Variants in TRPM6 observed in about 807,000 individuals in gnomAD.
TRPM6 encodes transient receptor potential cation channel subfamily M member 6, also known as channel kinase 2.
A neutral mutation model predicts 247.6 loss-of-function variants in TRPM6; 111 were observed. The observed-to-expected ratio is 0.45, with a 90% CI of 0.38 to 0.52. The LOEUF is 0.52. Ranked by LOEUF, TRPM6 falls within the 20% of genes least tolerant of loss-of-function variation. The pLI is 0.00. For synonymous variants in TRPM6, 892 were observed against 853.8 expected, an observed-to-expected ratio of 1.04 and a Z score of -0.78; for missense variants, 2,126 against 2,421.5, an observed-to-expected ratio of 0.88 and a Z score of 2.56.
intron 30 of TRPM6, 51 bp from the exon 31 acceptor site, chr9:74,747,965 C>A: frequency 6.4e-7 from 1 of 1,560,956 alleles, no homozygotes; most frequent in South Asian, 1.1e-5. Flanking sequence ...TTAAATCTTA[C>A]AGTTATCAAA....
At chr9:74,757,828 G>A (rs1029934850) in intron 27 of TRPM6, among the ~76,000 whole-genome samples, 3 of 151,672 alleles carry the variant, frequency 2.0e-5, no homozygotes, top group Non-Finnish European at 2.9e-5. Flanking sequence ...TGGGAGAATC[G>A]CTTGAACCTG....
chr9:74,799,831 G>C (rs1293352455), intron 17 of TRPM6: 1 of 211,962 alleles, frequency 4.7e-6, no homozygotes, highest in Non-Finnish European at 9.6e-6. Context: ...GGAGATAAAA[G>C]TCGTCTTCAC....
intron 1 of TRPM6, among the ~76,000 whole-genome samples, chr9:74,880,805 T>C (rs1831337536): frequency 6.6e-6 from 1 of 152,122 alleles, no homozygotes; most frequent in African/African-American, 2.4e-5. Flanking sequence ...GCTTAAATGT[T>C]ACCACTACAG....
chr9:74,765,728 T>A (rs556265063), intron 25 of TRPM6, among the ~76,000 whole-genome samples: 1 of 152,302 alleles, frequency 6.6e-6, no homozygotes, highest in South Asian at 2.1e-4. Context: ...CAAAATAGTG[T>A]TAGACTTCCC....
At chr9:74,788,876 G>A (rs377600031) in intron 19 of TRPM6, 134 bp from the exon 20 acceptor site, 84 of 1,038,956 alleles carry the variant, frequency 8.1e-5, no homozygotes, top group South Asian at 1.4e-4. Context: ...GACCACCTTC[G>A]GGTTATTGAT....
intron 6 of TRPM6, among the ~76,000 whole-genome samples, chr9:74,830,963 A>T (rs1483995428): frequency 6.6e-6 from 1 of 152,026 alleles, no homozygotes; most frequent in Non-Finnish European, 1.5e-5. Flanking sequence ...ACGGTTATAC[A>T]GACTGGTCCA....
At chr9:74,879,153 T>C (rs1421217906) in intron 1 of TRPM6, among the ~76,000 whole-genome samples, 1 of 151,852 alleles carries the variant, frequency 6.6e-6, no homozygotes, top group African/African-American at 2.4e-5. Flanking sequence ...AAAGAAATTC[T>C]AGAATTAAAG....
Position 74,739,897 on chromosome 9 carries a change from G to T in TRPM6, c.5313C>A (p.Ser1771=). The part of the protein sequence containing the change: ...RGRAAMIQVL[S]REEMDGGLRK... ...GGAGGCCCCCATCCATCTCCTCTCG[G>T]GACAATACCTGGATCATTGCCGCTC... The change falls in exon 34 of 39, where the codon TCC becomes TCA. Residue 1771 remains serine, a synonymous_variant. Transcript: ENST00000360774. 6.2e-7 allele frequency: 1 copy of T among 1,613,980 alleles called. No individual in the cohort carries two copies. Among genetic ancestry groups the T allele is most frequent in the African/African-American group, 1.3e-5 (1 of 74,978 alleles).
At chr9:74,726,958 G>A (rs1410994066) in intron 38 of TRPM6, among the ~76,000 whole-genome samples, 1 of 152,182 alleles carries the variant, frequency 6.6e-6, no homozygotes, top group South Asian at 2.1e-4. Context: ...GTGAGAGTGA[G>A]TCCTGGCCAG....
At chr9:74,843,154 T>G (rs1829999852) in intron 3 of TRPM6, among the ~76,000 whole-genome samples, 1 of 152,220 alleles carries the variant, frequency 6.6e-6, no homozygotes, top group South Asian at 2.1e-4. Context: ...CAATGAACCA[T>G]TTTCTTTATT....
chr9:74,867,073 C>T (rs566305822), intron 1 of TRPM6, among the ~76,000 whole-genome samples: 1 of 152,254 alleles, frequency 6.6e-6, no homozygotes, highest in Non-Finnish European at 1.5e-5. Flanking sequence ...TGGCTAAATT[C>T]TCATGTTTGC....
At chr9:74,747,030 A>G (rs1826072544) in intron 31 of TRPM6, among the ~76,000 whole-genome samples, 1 of 152,180 alleles carries the variant, frequency 6.6e-6, no homozygotes, top group South Asian at 2.1e-4. Flanking sequence ...TAGAAAAGAG[A>G]GGGTGCCATG....
chr9:74,777,758 G>A (rs1333187865), intron 23 of TRPM6, among the ~76,000 whole-genome samples: 1 of 152,136 alleles, frequency 6.6e-6, no homozygotes, highest in Non-Finnish European at 1.5e-5. Context: ...AGACGTAGCT[G>A]CCAGGCCCGG....
At chr9:74,781,125 A>T (rs1827426614) in intron 23 of TRPM6, among the ~76,000 whole-genome samples, 1 of 152,182 alleles carries the variant, frequency 6.6e-6, no homozygotes, top group Admixed American at 6.5e-5. Flanking sequence ...GAAAGAGATC[A>T]CAAAAAGCAT....
intron 38 of TRPM6, among the ~76,000 whole-genome samples, chr9:74,726,345 A>G (rs1285673816): frequency 1.3e-5 from 2 of 152,150 alleles, no homozygotes; most frequent in African/African-American, 4.8e-5. Context: ...CCCTATCTCT[A>G]CTAAAAATAC....
At chr9:74,823,613 A>G (rs992996146) in intron 7 of TRPM6, among the ~76,000 whole-genome samples, 4 of 152,198 alleles carry the variant, frequency 2.6e-5, no homozygotes, top group Non-Finnish European at 5.9e-5. Context: ...TCTATGATGT[A>G]CCAACTAATA....
intron 1 of TRPM6, among the ~76,000 whole-genome samples, chr9:74,864,618 T>C (rs1032277503): frequency 6.6e-6 from 1 of 152,220 alleles, no homozygotes; most frequent in Non-Finnish European, 1.5e-5. Context: ...TGGTAAAAGG[T>C]GAGCACTATT....
chr9:74,808,280 C>A, intron 13 of TRPM6, 106 bp from the exon 14 acceptor site: 11 of 1,375,712 alleles, frequency 8.0e-6, no homozygotes, highest in Non-Finnish European at 1.1e-5. Flanking sequence ...GGTAGACATA[C>A]CTTTTAAATA....
intron 1 of TRPM6, among the ~76,000 whole-genome samples, chr9:74,876,037 G>T (rs1033790347): frequency 3.3e-5 from 5 of 152,054 alleles, no homozygotes; most frequent in African/African-American, 9.7e-5. Context: ...ATATTCAAAG[G>T]TCAACCTGGT....
Sources: gnomAD v4.1 joint callset for allele counts (sites outside exome capture counted in the v4.1 genomes callset) on GRCh38, gnomAD v4.1.1 for gene constraint, MANE v1.5 for transcripts, NCBI Gene and HGNC (gene_info 2026-07-23, HGNC 2026-07-21) for gene names.